The following MYO9A variants were observed in gnomAD, a reference collection of about 807,000 sequenced individuals.
MYO9A encodes myosin IXA, also known as unconventional myosin-IXa.
MYO9A carries 103 observed loss-of-function variants against 293.3 expected under a neutral mutation model. The ratio of observed to expected loss-of-function variants is 0.35; its 90% CI spans 0.30 to 0.41. The LOEUF is 0.41. Ranked by LOEUF, MYO9A falls within the 10% of genes least tolerant of loss-of-function variation. The pLI, the probability that MYO9A is intolerant of heterozygous loss-of-function variation, is 1.00. For synonymous variants in MYO9A, 1,001 were observed against 1,035.7 expected (o/e 0.97, Z 0.64); for missense variants, 2,685 against 3,033.0 (o/e 0.89, Z 2.69).
chr15:71,888,971 A>C (rs2057099316), intron 26 of MYO9A, among the ~76,000 whole-genome samples: 1 of 152,188 alleles, frequency 6.6e-6, no homozygotes. Flanking sequence ...CAATGGACAG[A>C]TACCCCTGAG....
In MYO9A at chr15:71,903,911, T is replaced by C. The variant is rs774303915; in HGVS notation, c.2877+18A>G. 1.3e-6 allele frequency: 2 copies of C among 1,595,462 alleles called. No homozygotes were observed. Among genetic ancestry groups the C allele is most frequent in the Admixed American group, 3.4e-5 (2 of 59,660 alleles). On this transcript the variant is annotated intron_variant, in intron 21 of 41. Transcript: ENST00000356056. ...CTTGATGTGTCTAAATATGTAAATA[T>C]CACTATAAAAACAGAACCTGGAAAG...
chr15:71,960,855 A>G (rs749467618), intron 13 of MYO9A, among the ~76,000 whole-genome samples: 1 of 152,212 alleles, frequency 6.6e-6, no homozygotes, highest in Non-Finnish European at 1.5e-5. Flanking sequence ...GGGAAGAGCA[A>G]GCAAGGGTAA....
At chr15:71,934,543 C>T (rs142820340) in intron 17 of MYO9A, among the ~76,000 whole-genome samples, 2,274 of 151,722 alleles carry the variant, frequency 0.015, 55 homozygotes, top group African/African-American at 0.052. Flanking sequence ...AGCGGTCAAA[C>T]GATATGCTTG....
At chr15:71,939,115 GA>G (rs1415856350) in intron 15 of MYO9A, 188 bp from the exon 16 acceptor site, 91 of 491,730 alleles carry the variant, frequency 1.9e-4, no homozygotes, top group African/African-American at 1.7e-3. Context: ...AACCCAATTA[GA>G]AAATTTAATA....
At chr15:72,084,601 G>A (rs1201092072) in intron 1 of MYO9A, among the ~76,000 whole-genome samples, 1 of 152,194 alleles carries the variant, frequency 6.6e-6, no homozygotes, top group Non-Finnish European at 1.5e-5. Context: ...TGTAGTGGCT[G>A]CTAACAGTCT....
chr15:71,908,493 A>G lies in MYO9A; in HGVS notation c.2686-3487T>C, dbSNP rs147268705. On this transcript the variant is annotated intron_variant, in intron 19 of 41. Transcript: ENST00000356056. ...TCCATTTCTTAATTGGACTGTTTAG[A>G]GCATTTACATTGTTAATAATTAGTA... 2.2e-4 allele frequency among the ~76,000 whole-genome samples: 34 copies of G among 152,282 alleles called. No individual in the cohort carries two copies. The East Asian group carries it at 3.7e-3, about 16-fold the overall frequency.
At chr15:71,996,223 CAAATAT>C (rs2076695061) in intron 9 of MYO9A, among the ~76,000 whole-genome samples, 1 of 151,962 alleles carries the variant, frequency 6.6e-6, no homozygotes, top group Non-Finnish European at 1.5e-5. Flanking sequence ...ACTAAATCAA[CAAATAT>C]AAGACATAGA....
intron 1 of MYO9A, among the ~76,000 whole-genome samples, chr15:72,063,274 A>G (rs1038843391): frequency 6.6e-6 from 1 of 152,222 alleles, no homozygotes; most frequent in African/African-American, 2.4e-5. Flanking sequence ...ATCTAAATCT[A>G]GGACCTGAAA....
intron 12 of MYO9A, among the ~76,000 whole-genome samples, chr15:71,973,863 T>C (rs2076073497): frequency 6.6e-6 from 1 of 152,136 alleles, no homozygotes; most frequent in East Asian, 1.9e-4. Flanking sequence ...TCTTACACCT[T>C]CTCTCAAGCA....
intron 19 of MYO9A, among the ~76,000 whole-genome samples, chr15:71,913,937 A>G (rs1383004485): frequency 1.3e-5 from 2 of 152,160 alleles, no homozygotes; most frequent in African/African-American, 2.4e-5. Flanking sequence ...CTAATCCTGT[A>G]TAAGTACCAG....
At chr15:72,058,578 A>G (rs2078788613) in intron 1 of MYO9A, among the ~76,000 whole-genome samples, 2 of 152,206 alleles carry the variant, frequency 1.3e-5, no homozygotes, top group Non-Finnish European at 1.5e-5. Flanking sequence ...TAAAGAACTA[A>G]GCACATTACT....
At chr15:71,876,296 C>T (rs1485684393) in intron 31 of MYO9A, among the ~76,000 whole-genome samples, 1 of 151,690 alleles carries the variant, frequency 6.6e-6, no homozygotes, top group East Asian at 1.9e-4. Context: ...TATAGGCACA[C>T]ACCACCACAT....
chr15:71,875,245 T>C (rs923494953), intron 32 of MYO9A, among the ~76,000 whole-genome samples: 2 of 152,102 alleles, frequency 1.3e-5, no homozygotes, highest in Non-Finnish European at 2.9e-5. Context: ...ATCATATAGA[T>C]GTGTCTAATT....
chr15:71,849,666 A>G (rs192057423), intron 38 of MYO9A, among the ~76,000 whole-genome samples: 69 of 151,068 alleles, frequency 4.6e-4, no homozygotes, highest in African/African-American at 1.6e-3. Flanking sequence ...AAAAAGACCA[A>G]GGTGAAATAC....
chr15:72,105,263 G>A (rs1408894332), intron 1 of MYO9A, among the ~76,000 whole-genome samples: 3 of 152,182 alleles, frequency 2.0e-5, no homozygotes, highest in South Asian at 2.1e-4. Flanking sequence ...TGCCCAGGCT[G>A]TTGGACTACT....
At chr15:71,854,849 G>A (rs546914507) in intron 34 of MYO9A, among the ~76,000 whole-genome samples, 1 of 152,334 alleles carries the variant, frequency 6.6e-6, no homozygotes, top group African/African-American at 2.4e-5. Flanking sequence ...AAAAGCAAAG[G>A]TGGGATTTGG....
intron 17 of MYO9A, among the ~76,000 whole-genome samples, chr15:71,934,152 A>AT (rs1363967725): frequency 1.3e-5 from 2 of 151,990 alleles, no homozygotes; most frequent in Admixed American, 6.6e-5. Context: ...TATTCCACTC[A>AT]TTTTTTTCCT....
intron 6 of MYO9A, 59 bp downstream of exon 6, chr15:72,018,980 A>C: frequency 5.6e-5 from 70 of 1,261,134 alleles, no homozygotes; most frequent in Non-Finnish European, 7.3e-5. Context: ...GATGGATGCA[A>C]ATGCGCAATG....
At chr15:72,101,354 C>T (rs1236336793) in intron 1 of MYO9A, among the ~76,000 whole-genome samples, 10 of 147,188 alleles carry the variant, frequency 6.8e-5, no homozygotes, top group African/African-American at 1.7e-4. Flanking sequence ...GTCAGCCTCC[C>T]GCCCGGCCAG....
Sources: gnomAD v4.1 joint callset for allele counts (sites outside exome capture counted in the v4.1 genomes callset) on GRCh38, gnomAD v4.1.1 for gene constraint, MANE v1.5 for transcripts, NCBI Gene and HGNC (gene_info 2026-07-23, HGNC 2026-07-21) for gene names.